The following THOC2 variants were observed in gnomAD, a reference collection of about 807,000 sequenced individuals.
The protein encoded by THOC2 is THO complex subunit 2, also known as THO complex 2.
In THOC2, 10 loss-of-function variants were observed where a neutral mutation model predicts 128.4. That is an observed-to-expected ratio of 0.08 (90% CI 0.05 to 0.13). The LOEUF (loss-of-function observed/expected upper bound fraction) is 0.13. Ranked by LOEUF, THOC2 falls within the 10% of genes least tolerant of loss-of-function variation. THOC2 has a pLI of 1.00. For missense variants in THOC2, 535 were observed against 1,155.7 expected, an observed-to-expected ratio of 0.46 and a Z score of 7.79; for synonymous variants, 393 against 396.9, an observed-to-expected ratio of 0.99 and a Z score of 0.12.
chrX:123,717,693 C>A (rs377038975), intron 1 of THOC2, among the ~76,000 whole-genome samples: 197 of 82,252 alleles, frequency 2.4e-3, no homozygotes, highest in Middle Eastern at 6.5e-3. Context: ...TATATGGAAC[C>A]AAAAAAAAAA....
rs769257167 is a variant in THOC2, at chrX:123,652,144, C to A, written c.1387-6769G>T. The stretch of plus-strand genomic sequence containing the variant: ...GGTTCAACATAGGCAAATCAATAAA[C>A]GTAATCCATCACATTAACAGAACCA... On this transcript the variant is annotated intron_variant, in intron 12 of 38. Transcript: ENST00000245838. Among the ~76,000 whole-genome samples the A allele has an allele frequency of 2.7e-5, 3 of 111,991 alleles. No individual in the cohort carries two copies. The South Asian group carries it at 1.1e-3, about 42-fold the overall frequency.
chrX:123,644,971 A>G (rs2048064649), intron 13 of THOC2, 62 bp from the exon 14 acceptor site: 1 of 960,000 alleles, frequency 1.0e-6, no homozygotes, highest in Non-Finnish European at 1.4e-6. Flanking sequence ...CCAACAATAA[A>G]TTTATAACAG....
intron 1 of THOC2, among the ~76,000 whole-genome samples, chrX:123,724,514 G>A (rs1289908874): frequency 2.7e-5 from 3 of 109,917 alleles, no homozygotes; most frequent in Non-Finnish European, 5.7e-5. Context: ...ATGAAACCTC[G>A]TCTCCACTAA....
intron 7 of THOC2, among the ~76,000 whole-genome samples, chrX:123,693,110 C>T (rs2050296993): frequency 8.9e-6 from 1 of 112,251 alleles, no homozygotes; most frequent in South Asian, 3.7e-4. Context: ...GCTAACAACA[C>T]TGAAAGAATA....
chrX:123,639,761 T>C (rs897267166), intron 16 of THOC2, among the ~76,000 whole-genome samples: 6 of 111,694 alleles, frequency 5.4e-5, no homozygotes, highest in African/African-American at 2.0e-4. Context: ...CATTATGCAA[T>C]ACATCCATGT....
chrX:123,710,042 T>G lies in THOC2; in HGVS notation c.130+2808A>C, dbSNP rs1019425840. On this transcript the variant is annotated intron_variant, in intron 2 of 38. Transcript: ENST00000245838. ...GAAAGAGAAAGGTCAGAGGGGACACTGCCCGAACTCAAACCCCTAAGACAG... is the reference window on the plus strand; with the variant it reads ...GAAAGAGAAAGGTCAGAGGGGACACGGCCCGAACTCAAACCCCTAAGACAG... Among the ~76,000 whole-genome samples the G allele has an allele frequency of 2.7e-5, 3 of 111,819 alleles. No homozygotes were observed. The East Asian group carries it at 8.4e-4, about 31-fold the overall frequency.
Position 123,671,652 on chromosome X carries a change from C to G in THOC2, c.861+17G>C, listed in dbSNP as rs772682052. The G allele has an allele frequency of 3.4e-5, 34 of 1,014,333 alleles. No homozygotes were observed. The East Asian group carries it at 1.1e-3, about 32-fold the overall frequency. The allele number at this position is 1,014,333 out of a possible 1,213,427, so 83.6% of individuals were successfully genotyped here. ...GGGACAGACAATCAAGTATTCTTAG[C>G]AGCCCACTTGACTTACATGTACATA... On this transcript the variant is annotated intron_variant, in intron 9 of 38. Transcript: ENST00000245838.
At chrX:123,702,690 G>A (rs1245622098) in intron 4 of THOC2, among the ~76,000 whole-genome samples, 1 of 105,978 alleles carries the variant, frequency 9.4e-6, no homozygotes, top group African/African-American at 3.4e-5. Flanking sequence ...TTGAGCCCAC[G>A]AGGTTGAGGC....
intron 22 of THOC2, among the ~76,000 whole-genome samples, chrX:123,628,549 T>C (rs969859163): frequency 2.7e-5 from 3 of 109,530 alleles, no homozygotes; most frequent in East Asian, 2.9e-4. Context: ...CAAAACCCCA[T>C]CTCTACAAAA....
chrX:123,613,100 TTGG>T (rs1292059513), intron 36 of THOC2, among the ~76,000 whole-genome samples: 1 of 109,264 alleles, frequency 9.2e-6, no homozygotes, highest in Non-Finnish European at 1.9e-5. Context: ...AAGCAAAGAG[TTGG>T]TGGAGAAAAA....
chrX:123,719,333 G>A (rs771359681), intron 1 of THOC2, among the ~76,000 whole-genome samples: 65 of 110,795 alleles, frequency 5.9e-4, no homozygotes, highest in Non-Finnish European at 1.1e-3. Context: ...ACTACAATGA[G>A]ATACCACCTC....
Position 123,644,538 on chromosome X carries a change from T to C in THOC2, c.1661+37A>G, listed in dbSNP as rs1472913328. On this transcript the variant is annotated intron_variant, in intron 15 of 38. Transcript: ENST00000245838. The stretch of plus-strand genomic sequence containing the variant: ...AAAGAAAGTATATTAGATTCAGATA[T>C]AATTTAGATTAATATGAAAAATAAA... The C allele has an allele frequency of 3.1e-6, 3 of 976,324 alleles. No individual in the cohort carries two copies. In the East Asian group the frequency reaches 1.0e-4, roughly 33 times the overall value. The allele number at this position is 976,324 out of a possible 1,213,427, so 80.5% of individuals were successfully genotyped here.
Position 123,603,599 on chromosome X carries a change from T to C in THOC2, c.*19-2261A>G, listed in dbSNP as rs1340757533. On this transcript the variant is annotated intron_variant, in intron 38 of 38. Transcript: ENST00000245838. ...GAATGTCTCGTCAAGAGGATGGTGGTGTGTACTCATCTTCTGACTTAAAGC... is the reference window on the plus strand; with the variant it reads ...GAATGTCTCGTCAAGAGGATGGTGGCGTGTACTCATCTTCTGACTTAAAGC... The C allele has an allele frequency of 1.9e-5, 13 of 671,752 alleles. No homozygotes were observed. The Admixed American group carries it at 3.1e-4, about 16-fold the overall frequency. The allele number at this position is 671,752 out of a possible 1,213,427, so 55.4% of individuals were successfully genotyped here.
chrX:123,639,560 T>C (rs1346431833), intron 16 of THOC2, among the ~76,000 whole-genome samples: 1 of 111,684 alleles, frequency 9.0e-6, no homozygotes, highest in Non-Finnish European at 1.9e-5. Context: ...TATTGGTACA[T>C]AGAAATGCTA....
intron 7 of THOC2, among the ~76,000 whole-genome samples, chrX:123,692,791 C>T (rs1239688733): frequency 9.0e-6 from 1 of 111,329 alleles, no homozygotes; most frequent in Non-Finnish European, 1.9e-5. Flanking sequence ...CTTCAGCCAC[C>T]GCATCCAGCC....
chrX:123,686,280 TAAA>T (rs1460100705), intron 8 of THOC2, among the ~76,000 whole-genome samples: 3 of 111,166 alleles, frequency 2.7e-5, no homozygotes, highest in Non-Finnish European at 5.7e-5. Flanking sequence ...GGACCAGGTT[TAAA>T]AAAAGACACA....
intron 9 of THOC2, among the ~76,000 whole-genome samples, chrX:123,671,218 T>A (rs1213031719): frequency 1.8e-5 from 2 of 111,627 alleles, no homozygotes; most frequent in Non-Finnish European, 3.8e-5. Context: ...AATACACTAA[T>A]GAAGTTCCCC....
At chrX:123,686,460 A>G (rs1451517469) in intron 8 of THOC2, 88 bp downstream of exon 8, 1 of 761,829 alleles carries the variant, frequency 1.3e-6, no homozygotes, top group East Asian at 3.5e-5. Context: ...AGATGAGACC[A>G]ATCATTTACA....
intron 12 of THOC2, among the ~76,000 whole-genome samples, chrX:123,661,770 G>A (rs1052612444): frequency 9.0e-6 from 1 of 111,722 alleles, no homozygotes; most frequent in Non-Finnish European, 1.9e-5. Flanking sequence ...TTTACATAAT[G>A]TAAATTTGTG....
Sources: gnomAD v4.1 joint callset for allele counts (sites outside exome capture counted in the v4.1 genomes callset) on GRCh38, gnomAD v4.1.1 for gene constraint, MANE v1.5 for transcripts, NCBI Gene and HGNC (gene_info 2026-07-23, HGNC 2026-07-21) for gene names.